The following STPG2 variants were observed in gnomAD, a reference collection of about 807,000 sequenced individuals.
STPG2 encodes sperm-tail PG-rich repeat-containing protein 2.
A neutral mutation model predicts 54.2 loss-of-function variants in STPG2; 56 were observed. The observed-to-expected ratio is 1.03, with a 90% confidence interval of 0.83 to 1.29. The LOEUF (loss-of-function observed/expected upper bound fraction) is 1.29. STPG2 is among the 50% of genes most tolerant of loss of function. The pLI is 0.00. For synonymous variants in STPG2, 200 were observed against 181.8 expected (o/e 1.10, Z -0.81); for missense variants, 596 against 544.9 (o/e 1.09, Z -0.93).
rs536070726 is a variant in STPG2, at chr4:97,601,221, T to A, written c.1321-42104A>T. The stretch of plus-strand genomic sequence containing the variant: ...CCAGGACATTGGCAGGTTCCTTCAC[T>A]CCAGAGATGAATGCCTTTAAGTCAA... On this transcript the variant is annotated intron_variant, in intron 10 of 10. Transcript: ENST00000295268. Among the ~76,000 whole-genome samples the A allele has an allele frequency of 5.3e-5, 8 of 152,192 alleles. No homozygotes were observed. The South Asian group carries it at 1.2e-3, about 24-fold the overall frequency.
intron 7 of STPG2, among the ~76,000 whole-genome samples, chr4:97,969,866 C>T (rs1442519859): frequency 1.3e-5 from 2 of 152,196 alleles, no homozygotes; most frequent in Admixed American, 6.5e-5. Context: ...AGGAGGAAGT[C>T]AAATTGCCCC....
At chr4:98,020,485 TG>T (rs1288631279) in intron 5 of STPG2, among the ~76,000 whole-genome samples, 1 of 151,888 alleles carries the variant, frequency 6.6e-6, no homozygotes, top group Non-Finnish European at 1.5e-5. Context: ...TTCTCTTTTT[TG>T]GTTGTATCTC....
At chr4:97,750,966 G>C (rs1346782856) in intron 9 of STPG2, among the ~76,000 whole-genome samples, 1 of 151,778 alleles carries the variant, frequency 6.6e-6, no homozygotes, top group South Asian at 2.1e-4. Context: ...ATGCTACAAG[G>C]TGAGAACTTT....
chr4:97,794,750 G>C (rs1020050783), intron 9 of STPG2, among the ~76,000 whole-genome samples: 9 of 152,060 alleles, frequency 5.9e-5, no homozygotes, highest in African/African-American at 2.2e-4. Flanking sequence ...CCAAGTGTTT[G>C]ATTTTTAATT....
intron 9 of STPG2, among the ~76,000 whole-genome samples, chr4:97,722,733 G>GTTTTCTTGTTTTGTTC (rs2149017271): frequency 6.6e-6 from 1 of 151,088 alleles, no homozygotes; most frequent in South Asian, 2.1e-4. Context: ...TTTTCTTTTG[G>GTTTTCTTGTTTTGTTC]GATATCTTGT....
At chr4:97,472,247 G>C (rs914731667) in intron 4 of STPG2, among the ~76,000 whole-genome samples, 22 of 152,214 alleles carry the variant, frequency 1.4e-4, no homozygotes, top group African/African-American at 5.3e-4. Flanking sequence ...GTTATGGTAG[G>C]AAAATCTGAA....
chr4:97,529,651 A>G (rs977249377), intron 4 of STPG2, among the ~76,000 whole-genome samples: 1 of 152,160 alleles, frequency 6.6e-6, no homozygotes, highest in Non-Finnish European at 1.5e-5. Context: ...TACTGCCTCA[A>G]TTTCCAAACT....
chr4:97,632,521 CT>C (rs1244191379), intron 10 of STPG2, among the ~76,000 whole-genome samples: 4 of 151,726 alleles, frequency 2.6e-5, no homozygotes, highest in African/African-American at 7.3e-5. Flanking sequence ...AATAAAATAC[CT>C]TTTTTTATAA....
intron 8 of STPG2, among the ~76,000 whole-genome samples, chr4:97,921,698 A>T (rs763317735): frequency 5.9e-5 from 9 of 152,196 alleles, no homozygotes; most frequent in Non-Finnish European, 1.2e-4. Context: ...AGAGAGAAAA[A>T]AAGGATAGAA....
At chr4:97,602,788 G>A (rs1050212532) in intron 10 of STPG2, among the ~76,000 whole-genome samples, 6 of 151,378 alleles carry the variant, frequency 4.0e-5, no homozygotes, top group South Asian at 4.2e-4. Context: ...ATTATTTTAC[G>A]CCTTTATTGC....
chr4:98,033,403 GA>G (rs1212393849), intron 5 of STPG2, among the ~76,000 whole-genome samples: 2 of 151,922 alleles, frequency 1.3e-5, no homozygotes, highest in East Asian at 3.9e-4. Flanking sequence ...ACCAAACCAG[GA>G]AGAAGTTGAA....
intron 9 of STPG2, among the ~76,000 whole-genome samples, chr4:97,751,591 A>G (rs1023251577): frequency 6.6e-6 from 1 of 151,850 alleles, no homozygotes; most frequent in African/African-American, 2.4e-5. Flanking sequence ...AAAAGAATTT[A>G]GTAATTAGGT....
intron 9 of STPG2, among the ~76,000 whole-genome samples, chr4:97,779,388 G>A (rs1276376998): frequency 2.0e-5 from 3 of 152,134 alleles, no homozygotes; most frequent in Non-Finnish European, 4.4e-5. Context: ...GAGAAAAAAA[G>A]GGTAAAAAGA....
chr4:97,782,666 C>T (rs1726684054), intron 9 of STPG2, among the ~76,000 whole-genome samples: 1 of 152,202 alleles, frequency 6.6e-6, no homozygotes, highest in Non-Finnish European at 1.5e-5. Context: ...ATCATGCTAC[C>T]TGACTTCAAA....
At chr4:97,581,708 A>G (rs1193031353) in intron 10 of STPG2, among the ~76,000 whole-genome samples, 1 of 152,142 alleles carries the variant, frequency 6.6e-6, no homozygotes, top group East Asian at 1.9e-4. Context: ...ATGGGACAGG[A>G]GAACTGTATG....
intron 5 of STPG2, among the ~76,000 whole-genome samples, chr4:98,072,570 TAATAAAATAAAATAAAATAAAA>T (rs1439923038): frequency 1.4e-5 from 2 of 145,002 alleles, no homozygotes; most frequent in Non-Finnish European, 3.0e-5. Context: ...GAAGGGAAAA[TAATAAAATAAAATAAAATAAAA>T]TAAAATAAAA....
At chr4:97,679,791 A>G (rs1290730935) in intron 10 of STPG2, among the ~76,000 whole-genome samples, 1 of 152,158 alleles carries the variant, frequency 6.6e-6, no homozygotes, top group Non-Finnish European at 1.5e-5. Flanking sequence ...TCCATCTTGA[A>G]TGAATTTTTG....
rs201481567 is a variant in STPG2, at chr4:98,143,067, T to C, written c.84A>G (p.Val28=). Residue 28 remains valine, a synonymous_variant, in exon 1 of 11, where the codon GTA becomes GTG. Transcript: ENST00000295268. ...CTGTCGCCTGCTGCTTCAGGAAAGG[T>C]ACCTGGTAGGATCCAGGACCCACAT... The part of the protein sequence containing the change: ...EAHVGPGSYQ[V]PFLKQQATGS... The C allele has an allele frequency of 4.5e-4, 725 of 1,613,318 alleles. 8 individuals carry two copies. In the South Asian group the frequency reaches 7.5e-3, roughly 17 times the overall value.
chr4:97,792,745 C>T (rs2149081889), intron 9 of STPG2, among the ~76,000 whole-genome samples: 1 of 152,320 alleles, frequency 6.6e-6, no homozygotes, highest in East Asian at 1.9e-4. Context: ...TTACTAGCTT[C>T]CTTGCTATAT....
Sources: gnomAD v4.1 joint callset for allele counts (sites outside exome capture counted in the v4.1 genomes callset) on GRCh38, gnomAD v4.1.1 for gene constraint, MANE v1.5 for transcripts, NCBI Gene and HGNC (gene_info 2026-07-23, HGNC 2026-07-21) for gene names.